The following NCAPG2 variants were observed in gnomAD, a reference collection of about 807,000 sequenced individuals.
The protein encoded by NCAPG2 is condensin-2 complex subunit G2.
A neutral mutation model predicts 141.1 loss-of-function variants in NCAPG2; 53 were observed. The ratio of observed to expected loss-of-function variants is 0.38; its 90% CI spans 0.30 to 0.47. NCAPG2 has a LOEUF of 0.47. Ranked by LOEUF, NCAPG2 falls within the 20% of genes least tolerant of loss-of-function variation. The pLI, the probability that NCAPG2 is intolerant of heterozygous loss-of-function variation, is 0.99. For missense variants in NCAPG2, 1,087 were observed against 1,389.0 expected, an observed-to-expected ratio of 0.78 and a Z score of 3.46; for synonymous variants, 499 against 490.7, an observed-to-expected ratio of 1.02 and a Z score of -0.22.
chr7:158,667,391 T>TGGGTCCCTCCGCCCTCCTTACCCACTACA (rs1833116370), intron 13 of NCAPG2, among the ~76,000 whole-genome samples: 1 of 27,550 alleles, frequency 3.6e-5, no homozygotes, highest in Non-Finnish European at 9.1e-5. Context: ...TACCCACTAC[T>TGGGTCCCTCCGCCCTCCTTACCCACTACA]GGGTCCCTCC....
intron 11 of NCAPG2, among the ~76,000 whole-genome samples, chr7:158,676,130 C>T (rs1277831999): frequency 1.3e-5 from 2 of 152,196 alleles, no homozygotes; most frequent in East Asian, 3.9e-4. Context: ...TGGGAGTATT[C>T]GACATCAACA....
chr7:158,662,422 G>T lies in NCAPG2; in HGVS notation c.1816-55C>A, dbSNP rs970847363. ...GATCTAATCATAGCAACTACTAAAA[G>T]GTAACAGCATCTCAGAATTAGAGCT... On this transcript the variant is annotated intron_variant, in intron 15 of 27. Transcript: ENST00000356309. 1.0e-5 allele frequency: 15 copies of T among 1,431,196 alleles called. No homozygotes were observed. In the Admixed American group the frequency reaches 1.8e-4, roughly 17 times the overall value. The allele number at this position is 1,431,196 out of a possible 1,614,324, so 88.7% of individuals were successfully genotyped here. A position where few individuals can be genotyped will look rare whatever the true frequency, so the allele number is the denominator to read the frequency against.
At chr7:158,634,928 T>C (rs1019546309) in intron 27 of NCAPG2, among the ~76,000 whole-genome samples, 1 of 152,196 alleles carries the variant, frequency 6.6e-6, no homozygotes, top group Admixed American at 6.5e-5. Context: ...GGGCCAGGGT[T>C]CTCCTGATAT....
At chr7:158,663,389 GT>G (rs1171542589) in intron 15 of NCAPG2, among the ~76,000 whole-genome samples, 2 of 152,228 alleles carry the variant, frequency 1.3e-5, no homozygotes, top group Non-Finnish European at 2.9e-5. Flanking sequence ...TTTCCTGTAT[GT>G]TTTTGGTAAG....
chr7:158,689,248 T>A (rs3793182), intron 6 of NCAPG2, among the ~76,000 whole-genome samples: 83,163 of 152,036 alleles, frequency 0.55, 23,284 homozygotes, highest in Non-Finnish European at 0.6. Flanking sequence ...AGAACAAAAA[T>A]TATTAATGAG....
At chr7:158,664,326 T>C (rs779510517) in intron 14 of NCAPG2, 30 bp from the exon 15 acceptor site, 3 of 1,572,162 alleles carry the variant, frequency 1.9e-6, no homozygotes, top group South Asian at 2.2e-5. Context: ...CAAGAATTAA[T>C]GGATGTGTTT....
In NCAPG2 at chr7:158,679,966, C is replaced by A. The variant is rs756375034; in HGVS notation, c.1140G>T (p.Glu380Asp). The change falls in exon 11 of 28, where the codon GAG becomes GAT. Residue 380 changes from glutamate to aspartate, a missense_variant. Glu to Asp is a conservative substitution (Grantham distance 45). Coordinates refer to ENST00000356309, the MANE Select transcript of NCAPG2 (RefSeq NM_017760.7). ...MDSEIQKQFE[E>D]LYSLLEDPYP... is the part of the protein sequence containing the mutation. ...GACCACCTGAAGTACGTACATAGAG[C>A]TCTTCAAACTGTTTCTGGATTTCAC... 6.2e-7 allele frequency: 1 copy of A among 1,613,930 alleles called. No homozygotes were observed. The highest frequency in any genetic ancestry group is 1.3e-5 in the African/African-American group (1 of 74,912).
intron 27 of NCAPG2, among the ~76,000 whole-genome samples, chr7:158,635,934 C>T (rs894569342): frequency 6.6e-6 from 1 of 152,042 alleles, no homozygotes; most frequent in Non-Finnish European, 1.5e-5. Context: ...GTTTATCTTC[C>T]GTTAGATTGA....
chr7:158,683,471 A>G (rs1230000482), intron 8 of NCAPG2, 85 bp from the exon 9 acceptor site: 2 of 871,428 alleles, frequency 2.3e-6, no homozygotes, highest in Non-Finnish European at 3.4e-6. Flanking sequence ...TTGAGTACAA[A>G]GAGTCTGACC....
chr7:158,684,757 TG>T (rs1490141819), intron 8 of NCAPG2, among the ~76,000 whole-genome samples: 12 of 152,376 alleles, frequency 7.9e-5, no homozygotes, highest in African/African-American at 2.9e-4. Flanking sequence ...CTCGCCATGT[TG>T]GCCAGGCTGG....
intron 2 of NCAPG2, 143 bp downstream of exon 2, chr7:158,701,679 G>A: frequency 1.4e-6 from 1 of 734,992 alleles, no homozygotes; most frequent in South Asian, 1.7e-5. Flanking sequence ...GAGTATAAAG[G>A]GTTTTGTTTT....
intron 11 of NCAPG2, among the ~76,000 whole-genome samples, chr7:158,677,147 ACCACGTGTGTCATCTG>A (rs1305686875): frequency 6.6e-6 from 1 of 152,144 alleles, no homozygotes; most frequent in Non-Finnish European, 1.5e-5. Flanking sequence ...TGGTTTCTAA[ACCACGTGTGTCATCTG>A]CCAGGAAGAG....
chr7:158,645,455 C>T lies in NCAPG2; in HGVS notation c.3280+64G>A. Reference sequence around the variant, plus strand: ...AAGTGCAGGGGCTGATCCCCGGAATCCCATGACAGCACCTGTGAGGTGCAC... The same window carrying T: ...AAGTGCAGGGGCTGATCCCCGGAATTCCATGACAGCACCTGTGAGGTGCAC... On this transcript the variant is annotated intron_variant, in intron 26 of 27. Transcript: ENST00000356309. 2.8e-6 allele frequency: 4 copies of T among 1,443,736 alleles called. No homozygotes were observed. The Admixed American group carries it at 6.7e-5, about 24-fold the overall frequency. The allele number at this position is 1,443,736 out of a possible 1,614,324, so 89.4% of individuals were successfully genotyped here.
intron 12 of NCAPG2, 85 bp downstream of exon 12, chr7:158,675,392 G>A (rs528659576): frequency 1.3e-4 from 162 of 1,277,318 alleles, no homozygotes; most frequent in Admixed American, 1.3e-4. Context: ...AGGATTACAG[G>A]TATTATTTTA....
intron 16 of NCAPG2, among the ~76,000 whole-genome samples, chr7:158,660,401 CTTTTTTTTTTTTTT>C (rs945928092): frequency 9.6e-5 from 7 of 72,818 alleles, no homozygotes; most frequent in Admixed American, 3.4e-4. Context: ...TTTCAGCTTT[CTTTTTTTTTTTTTT>C]TTTTTTTTTT....
intron 16 of NCAPG2, among the ~76,000 whole-genome samples, chr7:158,661,772 A>C (rs1587152766): frequency 1.3e-5 from 2 of 152,344 alleles, no homozygotes; most frequent in South Asian, 2.1e-4. Context: ...TGCCCCAACA[A>C]CACACACAAC....
At chr7:158,679,467 G>A (rs751606017) in intron 11 of NCAPG2, among the ~76,000 whole-genome samples, 14 of 152,192 alleles carry the variant, frequency 9.2e-5, no homozygotes, top group Non-Finnish European at 1.9e-4. Flanking sequence ...GGCTTGCCCT[G>A]AAATATAACC....
chr7:158,667,307 T>G (rs1587182982), intron 13 of NCAPG2: 1 of 450,862 alleles, frequency 2.2e-6, no homozygotes, highest in Non-Finnish European at 2.7e-6. Context: ...TCCTCCACCC[T>G]TAGCCGCTAC....
intron 27 of NCAPG2, 99 bp from the exon 28 acceptor site, chr7:158,631,816 A>G (rs11973267): frequency 0.73 from 704,114 of 969,686 alleles, 258,171 homozygotes; most frequent in East Asian, 0.96. Flanking sequence ...GTTTGCAACC[A>G]TGCATTTAAA....
Sources: allele counts gnomAD v4.1 joint callset (sites outside exome capture counted in the v4.1 genomes callset), GRCh38; gene constraint gnomAD v4.1.1; transcripts MANE v1.5; gene names NCBI Gene and HGNC (gene_info 2026-07-23, HGNC 2026-07-21).